RNF150: variants seen among roughly 807,000 people sequenced by gnomAD.
RNF150 encodes the protein ring finger protein 150.
RNF150 carries 24 observed loss-of-function variants against 39.3 expected under a neutral mutation model. The ratio of observed to expected loss-of-function variants is 0.61; its 90% confidence interval spans 0.44 to 0.86. The LOEUF is 0.86. Among genes scored for constraint, RNF150 ranks in the 40% least tolerant of loss-of-function variants. The pLI, the probability that RNF150 is intolerant of heterozygous loss-of-function variation, is 0.00. For synonymous variants in RNF150, 255 were observed against 227.3 expected, an observed-to-expected ratio of 1.12 and a Z score of -1.10; for missense variants, 502 against 587.8, an observed-to-expected ratio of 0.85 and a Z score of 1.51.
chr4:140,894,292 T>C (rs1729860200), intron 6 of RNF150, among the ~76,000 whole-genome samples: 1 of 152,256 alleles, frequency 6.6e-6, no homozygotes, highest in South Asian at 2.1e-4. Context: ...CTGTGTTTAA[T>C]TAATGAAAGA....
intron 1 of RNF150, among the ~76,000 whole-genome samples, chr4:141,186,196 C>T (rs968286922): frequency 3.3e-5 from 5 of 152,140 alleles, no homozygotes; most frequent in Non-Finnish European, 5.9e-5. Flanking sequence ...TTTATTACTG[C>T]CTCAATTTCA....
chr4:141,203,296 T>C (rs868596315), intron 1 of RNF150, among the ~76,000 whole-genome samples: 9 of 147,438 alleles, frequency 6.1e-5, no homozygotes, highest in Admixed American at 1.4e-4. Flanking sequence ...AGACGATATA[T>C]ATATCTTGGA....
intron 4 of RNF150, among the ~76,000 whole-genome samples, chr4:140,945,383 C>A (rs752843657): frequency 2.0e-5 from 3 of 151,788 alleles, no homozygotes; most frequent in African/African-American, 4.8e-5. Context: ...GTTAAAACAA[C>A]GCAATCTGTC....
chr4:141,145,268 G>A (rs1004190146), intron 1 of RNF150, among the ~76,000 whole-genome samples: 1 of 152,116 alleles, frequency 6.6e-6, no homozygotes, highest in African/African-American at 2.4e-5. Flanking sequence ...TCTTCAAAGT[G>A]TCAAAGAAAA....
chr4:140,897,645 G>A (rs1359242957), intron 6 of RNF150, among the ~76,000 whole-genome samples: 2 of 152,174 alleles, frequency 1.3e-5, no homozygotes, highest in African/African-American at 2.4e-5. Context: ...ATATAAAAGA[G>A]TGATAATTGT....
At chr4:141,194,746 A>G (rs918862817) in intron 1 of RNF150, among the ~76,000 whole-genome samples, 2 of 152,164 alleles carry the variant, frequency 1.3e-5, no homozygotes, top group African/African-American at 4.8e-5. Context: ...GCTTAGAGAA[A>G]CAGAGGTGTG....
At chr4:141,137,797 G>A (rs1031193475), upstream of RNF150, among the ~76,000 whole-genome samples, 1 of 152,148 alleles carries the variant, frequency 6.6e-6, no homozygotes, top group African/African-American at 2.4e-5. Context: ...AAAGTAAAGT[G>A]AGCTCCCTAA....
intron 1 of RNF150, among the ~76,000 whole-genome samples, chr4:141,089,606 G>A (rs1054103736): frequency 2.0e-5 from 3 of 152,196 alleles, no homozygotes; most frequent in Non-Finnish European, 2.9e-5. Context: ...TTTTGGCAGT[G>A]TGAAGCCTAC....
intron 6 of RNF150, among the ~76,000 whole-genome samples, chr4:140,893,335 A>G (rs939006265): frequency 2.0e-5 from 3 of 152,238 alleles, no homozygotes; most frequent in Non-Finnish European, 4.4e-5. Context: ...AATGTACTGA[A>G]TAAATAAATG....
chr4:140,872,463 T>C (rs1222043700), intron 6 of RNF150, among the ~76,000 whole-genome samples: 2 of 152,186 alleles, frequency 1.3e-5, no homozygotes, highest in African/African-American at 4.8e-5. Flanking sequence ...CAGGAGGTAA[T>C]CTGATTTGCC....
At chr4:141,202,795 A>G (rs2111219055) in intron 1 of RNF150, among the ~76,000 whole-genome samples, 1 of 151,976 alleles carries the variant, frequency 6.6e-6, no homozygotes, top group Non-Finnish European at 1.5e-5. Context: ...GAGACAAAAA[A>G]ATTTCAAAAG....
At chr4:141,070,889 C>G (rs1299666309) in intron 1 of RNF150, among the ~76,000 whole-genome samples, 1 of 148,408 alleles carries the variant, frequency 6.7e-6, no homozygotes, top group Non-Finnish European at 1.5e-5. Context: ...TGGGTATATA[C>G]CCAAATGACT....
chr4:141,178,212 G>A (rs1009362140), intron 1 of RNF150, among the ~76,000 whole-genome samples: 3 of 151,994 alleles, frequency 2.0e-5, no homozygotes, highest in Admixed American at 6.6e-5. Flanking sequence ...TTTTCTCAAT[G>A]TCTGTTGCAC....
intron 1 of RNF150, among the ~76,000 whole-genome samples, chr4:140,978,369 TAAC>T (rs1733741782): frequency 6.6e-6 from 1 of 152,280 alleles, no homozygotes; most frequent in South Asian, 2.1e-4. Flanking sequence ...AAGGAGATGC[TAAC>T]AATAGCCAAT....
In RNF150 at chr4:141,104,280, G is replaced by A. The variant is rs559710881; in HGVS notation, c.484+28045C>T. On this transcript the variant is annotated intron_variant, in intron 1 of 6. Transcript: ENST00000515673. ...AAAGGTTTCTACCCATCCCTACATC[G>A]TGGGTGTCAAGCATAACCATAAAGA... Among the ~76,000 whole-genome samples, 23 of 152,256 alleles carry A rather than the reference G, an allele frequency of 1.5e-4. No individual in the cohort carries two copies. In the South Asian group the frequency reaches 3.5e-3, roughly 23 times the overall value.
intron 1 of RNF150, among the ~76,000 whole-genome samples, chr4:141,076,960 C>G (rs533292433): frequency 6.6e-6 from 1 of 152,168 alleles, no homozygotes; most frequent in African/African-American, 2.4e-5. Context: ...AATTGCTATT[C>G]TTGCCTCCCA....
chr4:140,871,982 C>A (rs1728965861), intron 6 of RNF150, among the ~76,000 whole-genome samples: 1 of 152,192 alleles, frequency 6.6e-6, no homozygotes, highest in African/African-American at 2.4e-5. Context: ...TATAACATTG[C>A]ACCAATATCA....
chr4:141,179,544 A>G (rs1189671380), intron 1 of RNF150, among the ~76,000 whole-genome samples: 2 of 152,122 alleles, frequency 1.3e-5, no homozygotes, highest in African/African-American at 4.8e-5. Context: ...ACCCATTCAT[A>G]TTTCTATACA....
At chr4:140,999,893 A>G (rs142546514) in intron 1 of RNF150, among the ~76,000 whole-genome samples, 7,446 of 142,524 alleles carry the variant, frequency 0.052, 436 homozygotes, top group Middle Eastern at 0.13. Flanking sequence ...AGCCGAGATC[A>G]CGCCACTGCA....
Sources: allele counts gnomAD v4.1 joint callset (sites outside exome capture counted in the v4.1 genomes callset), GRCh38; gene constraint gnomAD v4.1.1; transcripts MANE v1.5; gene names NCBI Gene and HGNC (gene_info 2026-07-23, HGNC 2026-07-21).